CPPED1: variants seen among roughly 807,000 people sequenced by gnomAD.
CPPED1 encodes the protein serine/threonine-protein phosphatase CPPED1.
Under a neutral mutation model 28.0 loss-of-function variants are expected in CPPED1, and 28 were observed. That is an observed-to-expected ratio of 1.00 (90% CI 0.74 to 1.37). The LOEUF (loss-of-function observed/expected upper bound fraction) is 1.37. CPPED1 is among the 40% of genes most tolerant of loss of function. CPPED1 has a pLI of 0.00. For missense variants in CPPED1, 504 were observed against 416.5 expected (o/e 1.21, Z -1.83); for synonymous variants, 198 against 180.2 (o/e 1.10, Z -0.79).
At chr16:12,783,347 A>C (rs1418646673) in intron 1 of CPPED1, among the ~76,000 whole-genome samples, 1 of 151,956 alleles carries the variant, frequency 6.6e-6, no homozygotes, top group Non-Finnish European at 1.5e-5. Flanking sequence ...AAAATACAAA[A>C]AATTAGCTGG....
intron 2 of CPPED1, among the ~76,000 whole-genome samples, chr16:12,732,021 G>A (rs2080200459): frequency 6.6e-6 from 1 of 151,990 alleles, no homozygotes; most frequent in African/African-American, 2.4e-5. Context: ...AAAGTAGCTG[G>A]GCGTAGTGGC....
intron 2 of CPPED1, among the ~76,000 whole-genome samples, chr16:12,717,160 A>G (rs2080111389): frequency 6.6e-6 from 1 of 152,218 alleles, no homozygotes; most frequent in Non-Finnish European, 1.5e-5. Flanking sequence ...TAAAGAGTAA[A>G]CAAATCAGAG....
At chr16:12,780,514 T>C (rs1016099347) in intron 2 of CPPED1, among the ~76,000 whole-genome samples, 2 of 152,180 alleles carry the variant, frequency 1.3e-5, no homozygotes, top group African/African-American at 4.8e-5. Context: ...AGGCACTTTC[T>C]TTCTGTTCTG....
rs181112890 is a variant in CPPED1 at position 12,737,059 on chromosome 16, G to A, written c.290-32010C>T. Among the ~76,000 whole-genome samples the A allele has an allele frequency of 5.4e-3, 818 of 152,136 alleles. 8 individuals are homozygous for A. Among genetic ancestry groups the A allele is most frequent in the African/African-American group, 0.019 (777 of 41,484 alleles). ...ACAAAAATTAGCTGGGTGCGATGGC[G>A]CACACCTGCAGTCCCAGCTACTCAG... On this transcript the variant is annotated intron_variant, in intron 2 of 3. Coordinates refer to ENST00000381774, the MANE Select transcript of CPPED1 (RefSeq NM_018340.3).
At chr16:12,712,646 G>A (rs1376659317) in intron 2 of CPPED1, among the ~76,000 whole-genome samples, 4 of 152,164 alleles carry the variant, frequency 2.6e-5, no homozygotes, top group African/African-American at 7.2e-5. Context: ...TATAGAAAAG[G>A]TGCACTGTTA....
chr16:12,752,392 T>G (rs1269394787), intron 2 of CPPED1, among the ~76,000 whole-genome samples: 5 of 151,968 alleles, frequency 3.3e-5, no homozygotes, highest in Admixed American at 2.6e-4. Flanking sequence ...CCACACGAAA[T>G]ATGGAAGCTT....
intron 1 of CPPED1, among the ~76,000 whole-genome samples, chr16:12,802,061 C>G (rs1349937861): frequency 1.3e-5 from 2 of 152,156 alleles, no homozygotes; most frequent in African/African-American, 4.8e-5. Context: ...CTGATTTCTT[C>G]TCAGGGCTCC....
At chr16:12,720,625 C>CTACA (rs1387813544) in intron 2 of CPPED1, among the ~76,000 whole-genome samples, 4 of 152,160 alleles carry the variant, frequency 2.6e-5, no homozygotes, top group African/African-American at 9.7e-5. Context: ...GTATCTGGTA[C>CTACA]TACAGGTGTG....
intron 2 of CPPED1, among the ~76,000 whole-genome samples, chr16:12,715,730 G>C (rs1761924558): frequency 6.6e-6 from 1 of 152,106 alleles, no homozygotes; most frequent in Admixed American, 6.5e-5. Flanking sequence ...GTTTCTCCAT[G>C]TTGGTCAGGC....
At chr16:12,757,745 A>C (rs774133909) in intron 2 of CPPED1, 6 of 147,100 alleles carry the variant, frequency 4.1e-5, no homozygotes, top group Non-Finnish European at 7.4e-5. Flanking sequence ...CTTTTAAAAA[A>C]GGATGACAAG....
chr16:12,789,418 C>T (rs990576701), intron 1 of CPPED1, among the ~76,000 whole-genome samples: 26 of 152,172 alleles, frequency 1.7e-4, no homozygotes, highest in African/African-American at 5.3e-4. Context: ...AGACATCACT[C>T]GCCCACATTT....
In CPPED1 at chr16:12,704,610, C is replaced by T. The variant is rs2080037961; in HGVS notation, c.715+14G>A. 1.3e-6 allele frequency: 2 copies of T among 1,595,476 alleles called. No individual in the cohort carries two copies. Among genetic ancestry groups the T allele is most frequent in the East Asian group, 2.2e-5 (1 of 44,682 alleles). ...TGTCCTTCCTCCCTGAAACCCGTGG[C>T]CCGGGGCCTCTACCTGCGTGGATGA... On this transcript the variant is annotated intron_variant, in intron 3 of 3. Transcript: ENST00000381774.
intron 2 of CPPED1, among the ~76,000 whole-genome samples, chr16:12,735,573 G>A (rs780571830): frequency 3.3e-5 from 5 of 152,170 alleles, no homozygotes; most frequent in Admixed American, 6.5e-5. Context: ...CAAAGTGCTG[G>A]GATTACAGGC....
chr16:12,739,989 G>T (rs2080245768), intron 2 of CPPED1, among the ~76,000 whole-genome samples: 1 of 150,754 alleles, frequency 6.6e-6, no homozygotes, highest in Non-Finnish European at 1.5e-5. Context: ...GGTCGGAGCT[G>T]CCTAGCCTTG....
In CPPED1 at chr16:12,723,140, A is replaced by G. The variant is rs183114840; in HGVS notation, c.290-18091T>C. On this transcript the variant is annotated intron_variant, in intron 2 of 3. Transcript: ENST00000381774. ...GCACACACACCGCACATGCACACGC[A>G]TGTACACAATGCACACATATAGTGC... Among the ~76,000 whole-genome samples, 7 of 152,282 alleles carry G rather than the reference A, an allele frequency of 4.6e-5. No individual in the cohort carries two copies. The East Asian group carries it at 1.4e-3, about 29-fold the overall frequency.
chr16:12,775,864 A>G (rs1295771137), intron 2 of CPPED1, among the ~76,000 whole-genome samples: 1 of 152,220 alleles, frequency 6.6e-6, no homozygotes, highest in Non-Finnish European at 1.5e-5. Flanking sequence ...CTCCTTTGCA[A>G]GACTGTAATG....
chr16:12,716,385 A>C (rs2080107259), intron 2 of CPPED1, among the ~76,000 whole-genome samples: 1 of 152,264 alleles, frequency 6.6e-6, no homozygotes, highest in Admixed American at 6.5e-5. Flanking sequence ...CCAGGGACGA[A>C]GAAGTTCCAG....
intron 2 of CPPED1, among the ~76,000 whole-genome samples, chr16:12,759,689 G>C (rs778246234): frequency 2.0e-4 from 31 of 152,208 alleles, no homozygotes; most frequent in Non-Finnish European, 3.8e-4. Flanking sequence ...TCTCATGACA[G>C]TGCGTGAGTT....
At chr16:12,700,233 G>C (rs991665596) in intron 3 of CPPED1, among the ~76,000 whole-genome samples, 1 of 152,228 alleles carries the variant, frequency 6.6e-6, no homozygotes, top group Non-Finnish European at 1.5e-5. Context: ...TGGCCAAGAA[G>C]AGGTAGGTGC....
Sources: gnomAD v4.1 joint callset for allele counts (sites outside exome capture counted in the v4.1 genomes callset) on GRCh38, gnomAD v4.1.1 for gene constraint, MANE v1.5 for transcripts, NCBI Gene and HGNC (gene_info 2026-07-23, HGNC 2026-07-21) for gene names.